The following UGT1A9 variants were observed in gnomAD, a reference collection of about 807,000 sequenced individuals.
UGT1A9 encodes UDP-glucuronosyltransferase 1A9.
A neutral mutation model predicts 45.0 loss-of-function variants in UGT1A9; 35 were observed. The observed-to-expected ratio is 0.78, with a 90% CI of 0.59 to 1.03. UGT1A9 has a LOEUF of 1.03. Among genes scored for constraint, UGT1A9 ranks in the 50% least tolerant of loss-of-function variants. UGT1A9 has a pLI of 0.00. For synonymous variants in UGT1A9, 278 were observed against 250.6 expected (o/e 1.11, Z -1.03); for missense variants, 687 against 666.6 (o/e 1.03, Z -0.34).
intron 1 of UGT1A9, among the ~76,000 whole-genome samples, chr2:233,731,510 C>T (rs1236819305): frequency 6.6e-6 from 1 of 152,156 alleles, no homozygotes; most frequent in African/African-American, 2.4e-5. Context: ...GTTCAGTTCC[C>T]ACCTATGAGT....
chr2:233,729,143 A>G lies in UGT1A9; in HGVS notation c.856-37891A>G, dbSNP rs28898617. Reference sequence around the variant, plus strand: ...TCTGCTGAGATGGCCACAGGACTCCAGGTTCCCCTGCCGTGGCTGGCCACA... The same window carrying G: ...TCTGCTGAGATGGCCACAGGACTCCGGGTTCCCCTGCCGTGGCTGGCCACA... On this transcript the variant is annotated intron_variant, in intron 1 of 4. Transcript: ENST00000354728. 1.4e-3 allele frequency: 2,190 copies of G among 1,613,464 alleles called. 46 individuals are homozygous for G. The East Asian group carries it at 0.046, about 34-fold the overall frequency.
At chr2:233,695,130 C>CTTTCTTTCT (rs1364557158) in intron 1 of UGT1A9, among the ~76,000 whole-genome samples, 43 of 138,840 alleles carry the variant, frequency 3.1e-4, no homozygotes, top group South Asian at 9.1e-4. Flanking sequence ...CTTTTCTTTT[C>CTTTCTTTCT]TTTTTTTTTT....
intron 1 of UGT1A9, among the ~76,000 whole-genome samples, chr2:233,738,283 A>G (rs1177396834): frequency 6.6e-6 from 1 of 152,176 alleles, no homozygotes; most frequent in African/African-American, 2.4e-5. Context: ...TTTATAAATT[A>G]CCCAGTCTTG....
At chr2:233,713,464 C>T (rs12475068) in intron 1 of UGT1A9, 36 of 1,613,900 alleles carry the variant, frequency 2.2e-5, no homozygotes, top group Admixed American at 8.3e-5. Context: ...CACCTCTGCG[C>T]GGCGGTGCTG....
chr2:233,705,112 G>T (rs1194885288), intron 1 of UGT1A9, among the ~76,000 whole-genome samples: 1 of 149,892 alleles, frequency 6.7e-6, no homozygotes, highest in Admixed American at 6.7e-5. Context: ...CGCCAGCCTG[G>T]GGGACAAGAG....
At chr2:233,715,899 C>T (rs1227216690) in intron 1 of UGT1A9, among the ~76,000 whole-genome samples, 1 of 152,172 alleles carries the variant, frequency 6.6e-6, no homozygotes, top group African/African-American at 2.4e-5. Context: ...TTGGGAGGCT[C>T]AGGTGGGAGG....
intron 1 of UGT1A9, chr2:233,682,362 T>G (rs747551450): frequency 1.2e-6 from 2 of 1,614,152 alleles, no homozygotes; most frequent in Non-Finnish European, 1.7e-6. Flanking sequence ...GAGAGTTGTT[T>G]TGATGCAGTG....
rs369417360 is a variant in UGT1A9, at chr2:233,713,137, G to A, written c.855+40348G>A. The A allele has an allele frequency of 3.5e-5, 57 of 1,614,192 alleles. No homozygotes were observed. The South Asian group carries it at 5.3e-4, about 15-fold the overall frequency. ...TGGCTCAGCATGCGGGAGGCCTTGC[G>A]GGACCTCCATGCGAGAGGCCACCAG... On this transcript the variant is annotated intron_variant, in intron 1 of 4. Transcript: ENST00000354728.
At chr2:233,753,529 A>G (rs538276746) in intron 1 of UGT1A9, 1 of 152,278 alleles carries the variant, frequency 6.6e-6, no homozygotes, top group East Asian at 1.9e-4. Flanking sequence ...TTTTGCTCTC[A>G]TGCAAACTTT....
At chr2:233,680,212 A>G (rs945771439) in intron 1 of UGT1A9, among the ~76,000 whole-genome samples, 1 of 152,154 alleles carries the variant, frequency 6.6e-6, no homozygotes, top group Non-Finnish European at 1.5e-5. Context: ...TGCACTTTAT[A>G]GTCCCATGGT....
intron 1 of UGT1A9, among the ~76,000 whole-genome samples, chr2:233,699,432 C>T (rs1270812832): frequency 6.6e-6 from 1 of 152,144 alleles, no homozygotes; most frequent in Admixed American, 6.5e-5. Context: ...TTAGAAGGGT[C>T]ATTGGAGTGT....
intron 1 of UGT1A9, among the ~76,000 whole-genome samples, chr2:233,714,275 A>G: frequency 6.6e-6 from 1 of 152,192 alleles, no homozygotes; most frequent in East Asian, 1.9e-4. Flanking sequence ...TGTTGACGTG[A>G]CAATTTTTAG....
intron 1 of UGT1A9, chr2:233,755,013 G>T: frequency 3.1e-6 from 4 of 1,294,530 alleles, no homozygotes; most frequent in Non-Finnish European, 4.2e-6. Flanking sequence ...CTACTCGAAG[G>T]GGTCCTTGAA....
At chr2:233,749,984 G>T (rs1236503942) in intron 1 of UGT1A9, among the ~76,000 whole-genome samples, 1 of 151,836 alleles carries the variant, frequency 6.6e-6, no homozygotes, top group African/African-American at 2.4e-5. Flanking sequence ...TGTGAGAATG[G>T]ACTAATATAT....
At position 233,772,036 on chromosome 2, in the gene UGT1A9, C is replaced by T. The variant is rs575173136; in HGVS notation, c.1296-226C>T. Among the ~76,000 whole-genome samples, 3 of 152,210 alleles carry T rather than the reference C, an allele frequency of 2.0e-5. No individual in the cohort carries two copies. The East Asian group carries it at 5.8e-4, about 29-fold the overall frequency. Reference sequence around the variant, plus strand: ...GCTGAGGCAGGAGGATGGCTTGAGCCCAGGAGTTGGAGGCTGCAGTTAGCC... The same window carrying T: ...GCTGAGGCAGGAGGATGGCTTGAGCTCAGGAGTTGGAGGCTGCAGTTAGCC... On this transcript the variant is annotated intron_variant, in intron 4 of 4. Transcript: ENST00000354728.
chr2:233,698,825 A>G lies in UGT1A9; in HGVS notation c.855+26036A>G, dbSNP rs116279107. Reference sequence around the variant, plus strand: ...CCCAGCCTCGCCTTGTGGAAGAGTAAGGCAGGATCACTTCCCTCTTATTCC... The same window carrying G: ...CCCAGCCTCGCCTTGTGGAAGAGTAGGGCAGGATCACTTCCCTCTTATTCC... On this transcript the variant is annotated intron_variant, in intron 1 of 4. Coordinates refer to ENST00000354728, the MANE Select transcript of UGT1A9 (RefSeq NM_021027.3). Among the ~76,000 whole-genome samples, 635 of 152,362 alleles carry G rather than the reference A, an allele frequency of 4.2e-3. 10 individuals are homozygous for G. Among genetic ancestry groups the G allele is most frequent in the African/African-American group, 0.015 (605 of 41,584 alleles).
chr2:233,739,902 C>T (rs1181002925), intron 1 of UGT1A9, among the ~76,000 whole-genome samples: 2 of 151,866 alleles, frequency 1.3e-5, no homozygotes, highest in Non-Finnish European at 2.9e-5. Context: ...AATCTCATCT[C>T]ATATTGTAAT....
intron 4 of UGT1A9, chr2:233,770,769 A>G (rs771897694): frequency 2.6e-5 from 4 of 152,220 alleles, no homozygotes; most frequent in Non-Finnish European, 2.9e-5. Flanking sequence ...CATTATAATA[A>G]TGTTTCCAAA....
At chr2:233,730,757 G>C (rs2125758007) in intron 1 of UGT1A9, among the ~76,000 whole-genome samples, 1 of 152,258 alleles carries the variant, frequency 6.6e-6, no homozygotes, top group East Asian at 1.9e-4. Flanking sequence ...AGATAAGACT[G>C]TGAATCTATA....
Sources: allele counts gnomAD v4.1 joint callset (sites outside exome capture counted in the v4.1 genomes callset), GRCh38; gene constraint gnomAD v4.1.1; transcripts MANE v1.5; gene names NCBI Gene and HGNC (gene_info 2026-07-23, HGNC 2026-07-21).